Variants in EDA observed in about 807,000 individuals in gnomAD.
EDA encodes ectodysplasin-A.
Under a neutral mutation model 23.6 loss-of-function variants are expected in EDA, and 2 were observed. That is an observed-to-expected ratio of 0.08 (90% confidence interval 0.03 to 0.27). The LOEUF (loss-of-function observed/expected upper bound fraction) is 0.27. EDA is among the 10% of genes least tolerant of loss of function. EDA has a pLI of 1.00. For synonymous variants in EDA, 131 were observed against 132.0 expected (o/e 0.99, Z 0.05); for missense variants, 229 against 324.2 (o/e 0.71, Z 2.26).
At chrX:69,852,650 G>A (rs1290500338) in intron 1 of EDA, among the ~76,000 whole-genome samples, 5 of 111,009 alleles carry the variant, frequency 4.5e-5, no homozygotes, top group African/African-American at 6.6e-5. Context: ...GGAGAGCCCC[G>A]AATTAAGCCA....
At chrX:69,838,487 C>T (rs768821117) in intron 1 of EDA, among the ~76,000 whole-genome samples, 39 of 111,598 alleles carry the variant, frequency 3.5e-4, no homozygotes, top group Non-Finnish European at 6.4e-4. Flanking sequence ...ATTAGCCGGG[C>T]GTGGTGGCAG....
chrX:69,838,622 G>A (rs1422731403), intron 1 of EDA, among the ~76,000 whole-genome samples: 2 of 112,245 alleles, frequency 1.8e-5, no homozygotes, highest in Admixed American at 9.4e-5. Flanking sequence ...GCGAGACTCC[G>A]TCTCAAAAAA....
chrX:69,718,534 T>C (rs778867103), intron 1 of EDA, among the ~76,000 whole-genome samples: 12 of 111,330 alleles, frequency 1.1e-4, no homozygotes, highest in Non-Finnish European at 1.9e-4. Flanking sequence ...ATACCTTTTC[T>C]GCATTGATTG....
chrX:69,623,577 C>T (rs1932268797), intron 1 of EDA, among the ~76,000 whole-genome samples: 1 of 111,310 alleles, frequency 9.0e-6, no homozygotes, highest in Admixed American at 9.5e-5. Context: ...TAGACATTTT[C>T]TCAGCATCCT....
intron 1 of EDA, among the ~76,000 whole-genome samples, chrX:69,668,636 G>T (rs753368760): frequency 1.8e-5 from 2 of 111,058 alleles, no homozygotes; most frequent in Non-Finnish European, 3.8e-5. Flanking sequence ...GAGTGCAATG[G>T]CGTGATCTTG....
chrX:69,673,227 A>C (rs1227600993), intron 1 of EDA, among the ~76,000 whole-genome samples: 1 of 111,808 alleles, frequency 8.9e-6, no homozygotes, highest in Non-Finnish European at 1.9e-5. Context: ...GAAGTGAAGA[A>C]AATTTTGATT....
At chrX:69,876,335 G>A (rs1012116950) in intron 1 of EDA, among the ~76,000 whole-genome samples, 1 of 109,071 alleles carries the variant, frequency 9.2e-6, no homozygotes, top group Non-Finnish European at 1.9e-5. Context: ...ACACTGCTCA[G>A]GTGATGAGTG....
At chrX:69,751,151 G>C (rs1387265661) in intron 1 of EDA, among the ~76,000 whole-genome samples, 1 of 108,738 alleles carries the variant, frequency 9.2e-6, no homozygotes, top group African/African-American at 3.3e-5. Context: ...GGGTTTTATG[G>C]TTTTAGGTCT....
intron 1 of EDA, among the ~76,000 whole-genome samples, chrX:69,621,121 G>T (rs1194385257): frequency 1.8e-5 from 2 of 111,628 alleles, no homozygotes; most frequent in Non-Finnish European, 3.8e-5. Context: ...TTGCTTTTAG[G>T]TCTCATGTCT....
intron 1 of EDA, among the ~76,000 whole-genome samples, chrX:69,835,186 G>A (rs1174857841): frequency 6.4e-5 from 6 of 94,040 alleles, no homozygotes; most frequent in Admixed American, 5.6e-4. Context: ...TGACAATTAT[G>A]TGCCTTGGGG....
chrX:69,755,264 T>A (rs954731480), intron 1 of EDA, among the ~76,000 whole-genome samples: 1 of 112,235 alleles, frequency 8.9e-6, no homozygotes, highest in Admixed American at 9.4e-5. Context: ...TTCTGTTTGT[T>A]GGTTTTCCTT....
chrX:69,777,903 C>T (rs745480711), intron 1 of EDA, among the ~76,000 whole-genome samples: 3 of 111,716 alleles, frequency 2.7e-5, no homozygotes, highest in South Asian at 3.7e-4. Context: ...TGAAAACAAA[C>T]TTATACCTTT....
intron 1 of EDA, among the ~76,000 whole-genome samples, chrX:69,881,560 C>A (rs189994721): frequency 1.1e-3 from 127 of 112,104 alleles, no homozygotes; most frequent in African/African-American, 4.1e-3. Context: ...ATTCCTCAGC[C>A]AGATCCTTGG....
intron 1 of EDA, among the ~76,000 whole-genome samples, chrX:69,915,761 A>G (rs2018332915): frequency 9.0e-6 from 1 of 111,254 alleles, no homozygotes; most frequent in Non-Finnish European, 1.9e-5. Flanking sequence ...TCAGACAACT[A>G]AACAAGCAAT....
At chrX:69,697,165 A>G (rs1017578362) in intron 1 of EDA, among the ~76,000 whole-genome samples, 8 of 111,882 alleles carry the variant, frequency 7.2e-5, no homozygotes, top group Non-Finnish European at 1.1e-4. Context: ...CGTCAGCACC[A>G]AATGAGGACA....
chrX:70,028,429 T>C (rs1485066484), intron 4 of EDA, among the ~76,000 whole-genome samples: 1 of 112,400 alleles, frequency 8.9e-6, no homozygotes, highest in Non-Finnish European at 1.9e-5. Flanking sequence ...TAGCTCCACA[T>C]GCTGATGTTT....
chrX:69,746,482 G>C (rs1323655698), intron 1 of EDA, among the ~76,000 whole-genome samples: 1 of 110,935 alleles, frequency 9.0e-6, no homozygotes, highest in Admixed American at 9.5e-5. Flanking sequence ...TTTATTGAGG[G>C]CATATGTGGA....
chrX:69,644,999 T>C (rs1314562141), intron 1 of EDA, among the ~76,000 whole-genome samples: 2 of 111,046 alleles, frequency 1.8e-5, no homozygotes, highest in Non-Finnish European at 3.8e-5. Context: ...TTTGATGTGC[T>C]ACTGTATTTT....
At chrX:70,031,588 T>A (rs1442039262) in intron 6 of EDA, among the ~76,000 whole-genome samples, 1 of 111,606 alleles carries the variant, frequency 9.0e-6, no homozygotes, top group African/African-American at 3.3e-5. Flanking sequence ...AACAGCTACA[T>A]GGGGACAGTT....
Sources: gnomAD v4.1 joint callset for allele counts (sites outside exome capture counted in the v4.1 genomes callset) on GRCh38, gnomAD v4.1.1 for gene constraint, MANE v1.5 for transcripts, NCBI Gene and HGNC (gene_info 2026-07-23, HGNC 2026-07-21) for gene names.